The following LRRC71 variants were observed in gnomAD, a reference collection of about 807,000 sequenced individuals.
The protein encoded by LRRC71 is leucine rich repeat containing 71, also known as leucine-rich repeat-containing protein 71.
LRRC71 carries 54 observed loss-of-function variants against 66.6 expected under a neutral mutation model. That is an observed-to-expected ratio of 0.81 (90% CI 0.65 to 1.02). The LOEUF (loss-of-function observed/expected upper bound fraction) is 1.02. Ranked by LOEUF, LRRC71 falls within the 50% of genes least tolerant of loss-of-function variation. LRRC71 has a pLI of 0.00. For missense variants in LRRC71, 724 were observed against 718.0 expected (o/e 1.01, Z -0.10); for synonymous variants, 323 against 303.9 (o/e 1.06, Z -0.65).
chr1:156,928,363 C>CTCTTCTTCCTCTTCTTCTTCTTCTTCT (rs1653597094), intron 9 of LRRC71, among the ~76,000 whole-genome samples: 1 of 98,784 alleles, frequency 1.0e-5, no homozygotes, highest in South Asian at 3.9e-4. Context: ...CTTCTTCTTC[C>CTCTTCTTCCTCTTCTTCTTCTTCTTCT]TCTTCTTCTT....
rs1221203668 is a variant in LRRC71 at position 156,933,050 on chromosome 1, A to AG, written c.*82dup. On this transcript the variant is annotated 3_prime_UTR_variant, in exon 15 of 15. Transcript: ENST00000337428. Reference sequence around the variant, plus strand: ...CTGTGTGGGGTGACCTCCCTGGGGGAGATCTCAGACCAATAACAAAGTCTG... The same window carrying AG: ...CTGTGTGGGGTGACCTCCCTGGGGGAGGATCTCAGACCAATAACAAAGTCTG... 5 of 973,860 alleles carry AG rather than the reference A, an allele frequency of 5.1e-6. No homozygotes were observed. The highest frequency in any genetic ancestry group is 7.7e-6 in the Non-Finnish European group (5 of 646,606). 60.3% of individuals were successfully genotyped at this position (973,860 alleles called of 1,614,324 possible). A position where few individuals can be genotyped will look rare whatever the true frequency, so the allele number is the denominator to read the frequency against.
intron 11 of LRRC71, 125 bp from the exon 12 acceptor site, chr1:156,930,404 T>G: frequency 2.7e-6 from 2 of 744,976 alleles, no homozygotes; most frequent in Non-Finnish European, 2.3e-6. Context: ...CCTCCAGCCA[T>G]TTCTATTGCA....
At chr1:156,935,436 C>T (rs1654878494), downstream of LRRC71, 1 of 152,360 alleles carries the variant, frequency 6.6e-6, no homozygotes, top group South Asian at 2.1e-4. Context: ...CCCCTCTTCC[C>T]TAAGCAGCTC....
At chr1:156,932,685 A>G in intron 14 of LRRC71, 140 bp downstream of exon 14, 4 of 1,576,568 alleles carry the variant, frequency 2.5e-6, no homozygotes, top group South Asian at 1.1e-5. Context: ...AATAATCACA[A>G]CATAACCTCC....
At position 156,927,542 on chromosome 1, in the gene LRRC71, G is replaced by A; in HGVS notation, c.709G>A (p.Ala237Thr). Residue 237 changes from alanine (A) to threonine (T), a missense_variant, in exon 7 of 15, where the codon GCG becomes ACG. By Grantham distance (58) the Ala-to-Thr change is moderately conservative. Coordinates refer to ENST00000337428, the MANE Select transcript of LRRC71 (RefSeq NM_144702.3). ...GAACAATAACATCGACGACCGCGGGGCGCAACTCCTGGGCCAGGCGCTGTC... is the reference window on the plus strand; with the variant it reads ...GAACAATAACATCGACGACCGCGGGACGCAACTCCTGGGCCAGGCGCTGTC... ...LRNNNIDDRG[A>T]QLLGQALSTL... is the part of the protein sequence containing the mutation. The A allele has an allele frequency of 6.4e-7, 1 of 1,560,100 alleles. No individual in the cohort carries two copies.
At chr1:156,932,300 T>C (rs1250036831) in intron 13 of LRRC71, 124 bp from the exon 14 acceptor site, 37 of 766,802 alleles carry the variant, frequency 4.8e-5, no homozygotes. Context: ...CAGGGAAAGG[T>C]GTGCCTGGGC....
chr1:156,931,870 A>G (rs1378556259), intron 12 of LRRC71, 46 bp from the exon 13 acceptor site: 2 of 1,435,702 alleles, frequency 1.4e-6, no homozygotes, highest in African/African-American at 1.4e-5. Context: ...TGGCCTGTTG[A>G]CCAGCTCCCC....
At chr1:156,935,939 C>A, downstream of LRRC71, 3 of 1,550,664 alleles carry the variant, frequency 1.9e-6, no homozygotes, top group Non-Finnish European at 2.6e-6. Context: ...CCCTGTGCCC[C>A]GGTCTCAGGC....
chr1:156,926,477 C>G (rs553608078), intron 5 of LRRC71, among the ~76,000 whole-genome samples: 1 of 152,152 alleles, frequency 6.6e-6, no homozygotes, highest in African/African-American at 2.4e-5. Flanking sequence ...CGGAAGCCAC[C>G]GCCTTTGTAG....
At chr1:156,936,498 AT>A (rs1441112827), downstream of LRRC71, among the ~76,000 whole-genome samples, 497 of 35,412 alleles carry the variant, frequency 0.014, 2 homozygotes, top group African/African-American at 0.022. Flanking sequence ...AAAAAAAAAA[AT>A]ATATATATAT....
chr1:156,925,975 A>T (rs1316786951), intron 5 of LRRC71, among the ~76,000 whole-genome samples: 1 of 152,286 alleles, frequency 6.6e-6, no homozygotes, highest in Non-Finnish European at 1.5e-5. Flanking sequence ...AAACAAATTT[A>T]AACTGAATAA....
At position 156,932,542 on chromosome 1, in the gene LRRC71, G is replaced by C. The variant is rs938592678; in HGVS notation, c.1560G>C (p.Leu520=). 14 of 1,613,970 alleles carry C rather than the reference G, an allele frequency of 8.7e-6. No homozygotes were observed. Among genetic ancestry groups the C allele is most frequent in the Non-Finnish European group, 1.2e-5 (14 of 1,179,880 alleles). Residue 520 remains leucine, a synonymous_variant, in exon 14 of 15, where the codon CTG becomes CTC. Transcript: ENST00000337428. ...CAGTGGGGCTGCTGTGGCTGTCCCT[G>C]GCTGTGAGTCCCTTTCACTCTCTCC... is the stretch of plus-strand genomic sequence containing the variant. ...KGPVGLLWLS[L]AKNCFAPQCP...
the LRRC71 span, chr1:156,938,290 T>C: frequency 1.2e-6 from 1 of 813,152 alleles, no homozygotes; most frequent in Non-Finnish European, 1.9e-6. Flanking sequence ...ATCTTCCTCC[T>C]CCCCATTCCA....
intron 1 of LRRC71, among the ~76,000 whole-genome samples, chr1:156,922,063 G>C (rs1392021000): frequency 2.6e-5 from 4 of 152,172 alleles, no homozygotes; most frequent in African/African-American, 9.7e-5. Flanking sequence ...GGAGGTGCAT[G>C]TAAGGGAGGA....
chr1:156,936,496 AAAT>A (rs1375843753), downstream of LRRC71, among the ~76,000 whole-genome samples: 13 of 77,738 alleles, frequency 1.7e-4, no homozygotes, highest in African/African-American at 2.3e-4. Context: ...AAAAAAAAAA[AAAT>A]ATATATATAT....
At position 156,920,855 on chromosome 1, in the gene LRRC71, G is replaced by A. The variant is rs1185022993; in HGVS notation, c.52G>A (p.Gly18Arg). ...PGASPRAPRPGTQKSSGAVTK... is the reference protein window; with the variant it reads ...PGASPRAPRPRTQKSSGAVTK... Reference sequence around the variant, plus strand: ...GGCCTCACCCAGGGCCCCGCGTCCGGGGACCCAGAAGTCTTCTGGCGCGGT... The same window carrying A: ...GGCCTCACCCAGGGCCCCGCGTCCGAGGACCCAGAAGTCTTCTGGCGCGGT... Residue 18 changes from glycine to arginine, a missense_variant, in exon 1 of 15, where the codon GGG becomes AGG. Physicochemically the swap from Gly to Arg is moderately radical, Grantham distance 125 (BLOSUM62 -2). Coordinates refer to ENST00000337428, the MANE Select transcript of LRRC71 (RefSeq NM_144702.3). This position sits in a 1 kb window ranked among gnomAD's most constrained non-coding sequence, Gnocchi z 4.9. 2 of 1,538,342 alleles carry A rather than the reference G, an allele frequency of 1.3e-6. No individual in the cohort carries two copies. Among genetic ancestry groups the A allele is most frequent in the Non-Finnish European group, 1.8e-6 (2 of 1,141,010 alleles).
At chr1:156,937,057 C>G, downstream of LRRC71, 1 of 1,593,008 alleles carries the variant, frequency 6.3e-7, no homozygotes, top group Non-Finnish European at 8.6e-7. Context: ...TTCCTAAGGC[C>G]CCTGGGGAAG....
intron 5 of LRRC71, 72 bp downstream of exon 5, chr1:156,925,087 G>A: frequency 1.4e-6 from 2 of 1,424,270 alleles, no homozygotes; most frequent in Middle Eastern, 1.8e-4. Flanking sequence ...AGCAGTGTGG[G>A]GATGGAAGTG....
Position 156,931,937 on chromosome 1 carries a change from G to A in LRRC71, c.1351G>A (p.Val451Met). The part of the protein sequence containing the change: ...ESELVVEATE[V>M]VNPLLEPVEH... ...GCAGCTGGTTGTTGAGGCTACTGAGGTGGTCAACCCTCTCCTGGAGCCTGT... is the reference window on the plus strand; with the variant it reads ...GCAGCTGGTTGTTGAGGCTACTGAGATGGTCAACCCTCTCCTGGAGCCTGT... Residue 451 changes from valine to methionine, a missense_variant, in exon 13 of 15, where the codon GTG (valine) becomes ATG (methionine). Val to Met is a conservative substitution (Grantham distance 21, BLOSUM62 1). Transcript: ENST00000337428. 6.3e-7 allele frequency: 1 copy of A among 1,593,152 alleles called. No individual in the cohort carries two copies. The highest frequency in any genetic ancestry group is 1.3e-5 in the African/African-American group (1 of 74,704).
Sources: gnomAD v4.1 joint callset for allele counts (sites outside exome capture counted in the v4.1 genomes callset) on GRCh38, gnomAD v4.1.1 for gene constraint, Gnocchi (gnomAD v3.1) non-coding constraint, MANE v1.5 for transcripts, NCBI Gene and HGNC (gene_info 2026-07-23, HGNC 2026-07-21) for gene names.